Variants in YAF2 observed in about 807,000 individuals in gnomAD.
YAF2 encodes YY1-associated factor 2.
A neutral mutation model predicts 20.1 loss-of-function variants in YAF2; 7 were observed. The ratio of observed to expected loss-of-function variants is 0.35; its 90% CI spans 0.20 to 0.65. The LOEUF is 0.65. Among genes scored for constraint, YAF2 ranks in the 30% least tolerant of loss-of-function variants. The probability of loss-of-function intolerance (pLI) is 0.69; values close to 1 mark genes in which losing one functional copy is unlikely to be tolerated. For missense variants in YAF2, 151 were observed against 219.2 expected, an observed-to-expected ratio of 0.69 and a Z score of 1.96; for synonymous variants, 74 against 76.0, an observed-to-expected ratio of 0.97 and a Z score of 0.14.
rs114743960 is a variant in YAF2 at position 42,218,870 on chromosome 12, A to G, written c.152+18729T>C. Among the ~76,000 whole-genome samples the G allele has an allele frequency of 8.2e-3, 1,241 of 152,102 alleles. 12 individuals carry two copies. The highest frequency in any genetic ancestry group is 0.028 in the African/African-American group (1,148 of 41,490). ...TGTGTCTAAGAAGATGAGTGGGGGGAAAAAAGGAAAGATATAGGGAAGGAG... is the reference window on the plus strand; with the variant it reads ...TGTGTCTAAGAAGATGAGTGGGGGGGAAAAAGGAAAGATATAGGGAAGGAG... On this transcript the variant is annotated intron_variant, in intron 2 of 3. Transcript: ENST00000534854.
chr12:42,178,964 G>A (rs2137037035), intron 2 of YAF2, among the ~76,000 whole-genome samples: 2 of 151,818 alleles, frequency 1.3e-5, no homozygotes, highest in Middle Eastern at 3.5e-3. Flanking sequence ...GAGGCGGGAG[G>A]ACAGCTTGAG....
At chr12:42,209,930 C>T (rs894553044) in intron 2 of YAF2, among the ~76,000 whole-genome samples, 1 of 152,156 alleles carries the variant, frequency 6.6e-6, no homozygotes, top group Non-Finnish European at 1.5e-5. Context: ...TCCCGAATAG[C>T]TGGGATTACA....
At chr12:42,221,149 G>A (rs1455793308) in intron 2 of YAF2, among the ~76,000 whole-genome samples, 1 of 152,108 alleles carries the variant, frequency 6.6e-6, no homozygotes, top group Non-Finnish European at 1.5e-5. Context: ...TTTATAAGTA[G>A]TAGGTCTAAT....
intron 2 of YAF2, among the ~76,000 whole-genome samples, chr12:42,164,188 T>C (rs554491702): frequency 6.6e-6 from 1 of 152,348 alleles, no homozygotes; most frequent in Admixed American, 6.5e-5. Flanking sequence ...ATGATTAGAC[T>C]GTATTTGTCA....
chr12:42,221,350 G>A (rs1845459236), intron 2 of YAF2, among the ~76,000 whole-genome samples: 1 of 152,026 alleles, frequency 6.6e-6, no homozygotes, highest in Non-Finnish European at 1.5e-5. Context: ...AGGCAGGAGG[G>A]GTGCTTGAGG....
intron 2 of YAF2, among the ~76,000 whole-genome samples, chr12:42,173,810 G>C (rs904640457): frequency 2.0e-5 from 3 of 152,052 alleles, no homozygotes; most frequent in African/African-American, 7.2e-5. Context: ...AACAAAACTT[G>C]CTTTTATCAT....
At chr12:42,235,637 G>C (rs1375019718) in intron 2 of YAF2, 8 of 1,509,140 alleles carry the variant, frequency 5.3e-6, no homozygotes, top group East Asian at 2.5e-5. Context: ...GTGTCCCTTA[G>C]ATTTCTGGTG....
chr12:42,205,090 A>G (rs1236222383), intron 2 of YAF2, among the ~76,000 whole-genome samples: 1 of 151,318 alleles, frequency 6.6e-6, no homozygotes, highest in Non-Finnish European at 1.5e-5. Context: ...TCTTGGGGAA[A>G]TTTATTACAG....
At chr12:42,233,759 T>C (rs924496120) in intron 2 of YAF2, 1 of 983,328 alleles carries the variant, frequency 1.0e-6, no homozygotes, top group Non-Finnish European at 1.2e-6. Context: ...GAAATCCTCC[T>C]GTCTCAGCCT....
chr12:42,184,800 G>T (rs1413901475), intron 2 of YAF2, among the ~76,000 whole-genome samples: 2 of 152,202 alleles, frequency 1.3e-5, no homozygotes, highest in Admixed American at 6.5e-5. Flanking sequence ...TTTGGTGGAA[G>T]TTGATGCCAA....
chr12:42,179,395 A>G (rs2066281524), intron 2 of YAF2, among the ~76,000 whole-genome samples: 1 of 152,238 alleles, frequency 6.6e-6, no homozygotes, highest in Non-Finnish European at 1.5e-5. Context: ...GCTTGAACCC[A>G]GGAGAAAGAG....
At chr12:42,177,001 T>C (rs2066212975) in intron 2 of YAF2, among the ~76,000 whole-genome samples, 1 of 152,148 alleles carries the variant, frequency 6.6e-6, no homozygotes, top group Non-Finnish European at 1.5e-5. Flanking sequence ...TCAATTGTTC[T>C]GCTACAGGCC....
chr12:42,178,431 A>T (rs1300783785), intron 2 of YAF2, among the ~76,000 whole-genome samples: 2 of 152,232 alleles, frequency 1.3e-5, no homozygotes, highest in Non-Finnish European at 2.9e-5. Flanking sequence ...GCAAATTATT[A>T]CATTTCACCT....
chr12:42,232,816 A>G (rs2068022381), intron 2 of YAF2: 6 of 985,304 alleles, frequency 6.1e-6, no homozygotes, highest in Non-Finnish European at 6.0e-6. Flanking sequence ...TTTTAAAAGA[A>G]GCTGAAATAA....
At chr12:42,161,050 C>T (rs2065789149) in intron 3 of YAF2, 1 of 509,054 alleles carries the variant, frequency 2.0e-6, no homozygotes, top group Admixed American at 3.8e-5. Context: ...ACTGTGACAG[C>T]CTAGAAGTAG....
intron 2 of YAF2, 60 bp from the exon 3 acceptor site, chr12:42,161,825 T>C (rs1213630002): frequency 2.1e-6 from 3 of 1,435,450 alleles, no homozygotes; most frequent in Non-Finnish European, 2.8e-6. Flanking sequence ...AAGTGCTTTA[T>C]GACAGAATAT....
At chr12:42,221,997 A>G (rs2067531179) in intron 2 of YAF2, among the ~76,000 whole-genome samples, 2 of 152,218 alleles carry the variant, frequency 1.3e-5, no homozygotes, top group African/African-American at 4.8e-5. Flanking sequence ...TTAGCTCTAA[A>G]ATTCTCAGTA....
intron 2 of YAF2, among the ~76,000 whole-genome samples, chr12:42,216,284 T>C (rs2067355888): frequency 6.6e-6 from 1 of 152,206 alleles, no homozygotes; most frequent in South Asian, 2.1e-4. Flanking sequence ...TATTATCTTG[T>C]TACAACTTAA....
rs1277197728 is a variant in YAF2, at chr12:42,209,340, GATC to G, written c.152+28256_152+28258del. Among the ~76,000 whole-genome samples the G allele has an allele frequency of 2.0e-5, 3 of 151,562 alleles. No homozygotes were observed. In the East Asian group the frequency reaches 5.8e-4, roughly 29 times the overall value. On this transcript the variant is annotated intron_variant, in intron 2 of 3. Coordinates refer to ENST00000534854, the MANE Select transcript of YAF2 (RefSeq NM_005748.6). ...ACACTTAGGGAGGCCAAGGTGGGCAGATCATTTGAGTTCATGAGTTCGAGATCA... is the reference window on the plus strand; with the variant it reads ...ACACTTAGGGAGGCCAAGGTGGGCAGATTTGAGTTCATGAGTTCGAGATCA...
Sources: gnomAD v4.1 joint callset for allele counts (sites outside exome capture counted in the v4.1 genomes callset) on GRCh38, gnomAD v4.1.1 for gene constraint, MANE v1.5 for transcripts, NCBI Gene and HGNC (gene_info 2026-07-23, HGNC 2026-07-21) for gene names.